Variants in KIRREL3 observed in about 807,000 individuals in gnomAD.
KIRREL3 encodes kirre like nephrin family adhesion molecule 3.
In KIRREL3, 36 loss-of-function variants were observed where a neutral mutation model predicts 89.7. The observed-to-expected ratio is 0.40, with a 90% CI of 0.31 to 0.53. The LOEUF is 0.53. Ranked by LOEUF, KIRREL3 falls within the 20% of genes least tolerant of loss-of-function variation. KIRREL3 has a pLI of 0.49. For missense variants in KIRREL3, 864 were observed against 1,056.6 expected (o/e 0.82, Z 2.53); for synonymous variants, 445 against 441.4 (o/e 1.01, Z -0.10).
At position 126,641,259 on chromosome 11, in the gene KIRREL3, A is replaced by C. The variant is rs1944457598; in HGVS notation, c.56-78347T>G. On this transcript the variant is annotated intron_variant, in intron 1 of 16. Coordinates refer to ENST00000525144, the MANE Select transcript of KIRREL3 (RefSeq NM_032531.4). This position sits in a 1 kb window ranked among gnomAD's most constrained non-coding sequence, Gnocchi z 5.0. ...ATATATTATAAACCAACCACCTCTC[A>C]CCACTTCCTCTGCTACTTTCTTGGC... Among the ~76,000 whole-genome samples the C allele has an allele frequency of 6.6e-6, 1 of 151,788 alleles. No homozygotes were observed. Among genetic ancestry groups the C allele is most frequent in the African/African-American group, 2.4e-5 (1 of 41,266 alleles).
At position 126,734,251 on chromosome 11, in the gene KIRREL3, T is replaced by C. The variant is rs1290363863; in HGVS notation, c.56-171339A>G. On this transcript the variant is annotated intron_variant, in intron 1 of 16. Coordinates refer to ENST00000525144, the MANE Select transcript of KIRREL3 (RefSeq NM_032531.4). The surrounding 1 kb of genome is among the most constrained non-coding windows in gnomAD (Gnocchi z 5.9). Reference sequence around the variant, plus strand: ...TTTCATCAGAAAAAAAGCTCTACTTTTGGGATCTATGGCAGGTTCTTGGGG... The same window carrying C: ...TTTCATCAGAAAAAAAGCTCTACTTCTGGGATCTATGGCAGGTTCTTGGGG... Among the ~76,000 whole-genome samples the C allele has an allele frequency of 6.6e-6, 1 of 152,228 alleles. No individual in the cohort carries two copies. The highest frequency in any genetic ancestry group is 1.5e-5 in the Non-Finnish European group (1 of 68,044).
chr11:126,545,316 A>G (rs1938727458), intron 2 of KIRREL3, among the ~76,000 whole-genome samples: 1 of 152,082 alleles, frequency 6.6e-6, no homozygotes, highest in Non-Finnish European at 1.5e-5. Context: ...CACCAAGGGG[A>G]GCCGTCTTTG....
Position 126,441,771 on chromosome 11 carries a change from T to C in KIRREL3, c.1253-1222A>G, listed in dbSNP as rs1955574860. On this transcript the variant is annotated intron_variant, in intron 10 of 16. Coordinates refer to ENST00000525144, the MANE Select transcript of KIRREL3 (RefSeq NM_032531.4). This position sits in a 1 kb window ranked among gnomAD's most constrained non-coding sequence, Gnocchi z 5.0. Reference sequence around the variant, plus strand: ...ACTGTAGACACTCCAGTGACTTCTGTTGAGTTTGAGAAGGCAAAAGGGCTC... The same window carrying C: ...ACTGTAGACACTCCAGTGACTTCTGCTGAGTTTGAGAAGGCAAAAGGGCTC... 6.6e-6 allele frequency among the ~76,000 whole-genome samples: 1 copy of C among 152,146 alleles called. No individual in the cohort carries two copies. The highest frequency in any genetic ancestry group is 2.4e-5 in the African/African-American group (1 of 41,438).
At position 126,780,240 on chromosome 11, in the gene KIRREL3, G is replaced by A. The variant is rs575462351; in HGVS notation, c.56-217328C>T. ...GGAAGCAACAGAAACCCCAGCTAGC[G>A]TGGGTGTGTGGACTGCAGATGTGTA... On this transcript the variant is annotated intron_variant, in intron 1 of 16. Transcript: ENST00000525144. The surrounding 1 kb of genome is among the most constrained non-coding windows in gnomAD (Gnocchi z 5.3). Among the ~76,000 whole-genome samples, 14 of 152,320 alleles carry A rather than the reference G, an allele frequency of 9.2e-5. No homozygotes were observed. The highest frequency in any genetic ancestry group is 5.8e-4 in the East Asian group (3 of 5,182).
At chr11:126,446,724 C>A (rs983501915) in intron 9 of KIRREL3, 35 bp downstream of exon 9, 17 of 1,579,164 alleles carry the variant, frequency 1.1e-5, no homozygotes, top group Non-Finnish European at 1.5e-5. Context: ...CCGCCCCCTG[C>A]CAGAGGTGCC....
rs531857789 is a variant in KIRREL3 at position 126,561,687 on chromosome 11, G to A, written c.133+1148C>T. 6.6e-6 allele frequency among the ~76,000 whole-genome samples: 1 copy of A among 152,332 alleles called. No individual in the cohort carries two copies. Among genetic ancestry groups the A allele is most frequent in the Admixed American group, 6.5e-5 (1 of 15,306 alleles). On this transcript the variant is annotated intron_variant, in intron 2 of 16. Transcript: ENST00000525144. This position sits in a 1 kb window ranked among gnomAD's most constrained non-coding sequence, Gnocchi z 4.5. ...TCCTACAAATGGGAAGTAGCTTTTT[G>A]ATGCTGTTGGCTTCAGGCAGGCAGC...
intron 1 of KIRREL3, among the ~76,000 whole-genome samples, chr11:126,821,351 A>ATATATATATATATATGTGTGTG (rs756545626): frequency 9.5e-6 from 1 of 105,232 alleles, no homozygotes; most frequent in Non-Finnish European, 1.9e-5. Context: ...ATATATATAT[A>ATATATATATATATATGTGTGTG]TGTAACTTCC....
At chr11:126,721,693 G>C (rs1195093315) in intron 1 of KIRREL3, among the ~76,000 whole-genome samples, 6 of 152,232 alleles carry the variant, frequency 3.9e-5, no homozygotes, top group African/African-American at 9.6e-5. Context: ...GATTTGCAGA[G>C]AGAAGTCAGG....
At position 126,495,581 on chromosome 11, in the gene KIRREL3, C is replaced by T. The variant is rs76590104; in HGVS notation, c.434-22115G>A. ...CCTGGCCTTCCTCCTCCGGGTCTAG[C>T]GCCACCCCAGCAGCAGATGCCTCAG... is the stretch of plus-strand genomic sequence containing the variant. On this transcript the variant is annotated intron_variant, in intron 4 of 16. Coordinates refer to ENST00000525144, the MANE Select transcript of KIRREL3 (RefSeq NM_032531.4). The surrounding 1 kb of genome is among the most constrained non-coding windows in gnomAD (Gnocchi z 6.5). Among the ~76,000 whole-genome samples the T allele has an allele frequency of 5.1e-4, 77 of 152,272 alleles. 2 individuals are homozygous for T. The East Asian group carries it at 0.013, about 25-fold the overall frequency.
At position 126,443,409 on chromosome 11, in the gene KIRREL3, C is replaced by T. The variant is rs1028438095; in HGVS notation, c.1252+1570G>A. Among the ~76,000 whole-genome samples the T allele has an allele frequency of 1.8e-4, 27 of 152,136 alleles. No homozygotes were observed. Among genetic ancestry groups the T allele is most frequent in the African/African-American group, 6.0e-4 (25 of 41,424 alleles). On this transcript the variant is annotated intron_variant, in intron 10 of 16. Coordinates refer to ENST00000525144, the MANE Select transcript of KIRREL3 (RefSeq NM_032531.4). This position sits in a 1 kb window ranked among gnomAD's most constrained non-coding sequence, Gnocchi z 7.3. ...GTGTTGCCATGGATATACGGAGGCG[C>T]GATCAGATGCTGTTATTTTTAGCCC...
chr11:126,498,765 C>A lies in KIRREL3; in HGVS notation c.433+22550G>T, dbSNP rs79436456. Among the ~76,000 whole-genome samples the A allele has an allele frequency of 0.019, 2,931 of 152,300 alleles. 96 individuals carry two copies. The highest frequency in any genetic ancestry group is 0.067 in the African/African-American group (2,776 of 41,550). On this transcript the variant is annotated intron_variant, in intron 4 of 16. Transcript: ENST00000525144. This position sits in a 1 kb window ranked among gnomAD's most constrained non-coding sequence, Gnocchi z 4.3. ...TGGGAGGAGCACCTTCCCTTCTGCACCTAAGGTTGAGTCCCCCTCCCACAG... is the reference window on the plus strand; with the variant it reads ...TGGGAGGAGCACCTTCCCTTCTGCAACTAAGGTTGAGTCCCCCTCCCACAG...
intron 4 of KIRREL3, among the ~76,000 whole-genome samples, chr11:126,487,533 C>T (rs189018489): frequency 1.3e-4 from 20 of 152,344 alleles, no homozygotes; most frequent in African/African-American, 4.8e-4. Flanking sequence ...ACCAGATCCA[C>T]TGTTTGCCAG....
At chr11:126,549,124 A>G (rs942309589) in intron 2 of KIRREL3, among the ~76,000 whole-genome samples, 6 of 152,154 alleles carry the variant, frequency 3.9e-5, no homozygotes, top group African/African-American at 1.2e-4. Flanking sequence ...GGACTATTCC[A>G]TTGCTCTATT....
At chr11:126,933,851 TG>T (rs1482235223) in intron 1 of KIRREL3, among the ~76,000 whole-genome samples, 1 of 151,752 alleles carries the variant, frequency 6.6e-6, no homozygotes, top group East Asian at 1.9e-4. Flanking sequence ...TCCATTTTAA[TG>T]GTTAAAAAAT....
Position 126,641,890 on chromosome 11 carries a change from C to T in KIRREL3, c.56-78978G>A, listed in dbSNP as rs954209984. On this transcript the variant is annotated intron_variant, in intron 1 of 16. Coordinates refer to ENST00000525144, the MANE Select transcript of KIRREL3 (RefSeq NM_032531.4). This position sits in a 1 kb window ranked among gnomAD's most constrained non-coding sequence, Gnocchi z 5.0. ...CTTGCTTACATGTGCACATCCTCAA[C>T]TTCCACTCTTTCTCAGGTCAGGAAC... Among the ~76,000 whole-genome samples, 1 of 152,210 alleles carries T rather than the reference C, an allele frequency of 6.6e-6. No homozygotes were observed. Among genetic ancestry groups the T allele is most frequent in the Admixed American group, 6.5e-5 (1 of 15,286 alleles).
rs1944958135 is a variant in KIRREL3, at chr11:126,652,817, C to T, written c.56-89905G>A. On this transcript the variant is annotated intron_variant, in intron 1 of 16. Coordinates refer to ENST00000525144, the MANE Select transcript of KIRREL3 (RefSeq NM_032531.4). This position sits in a 1 kb window ranked among gnomAD's most constrained non-coding sequence, Gnocchi z 4.9. Reference sequence around the variant, plus strand: ...GGACAGAGGCCTTTCAACTTTCCTCCCTGAGATCTTCCTCCGTGAACCAAC... The same window carrying T: ...GGACAGAGGCCTTTCAACTTTCCTCTCTGAGATCTTCCTCCGTGAACCAAC... 1 of 152,146 alleles carries T rather than the reference C, an allele frequency of 6.6e-6. No homozygotes were observed. Among genetic ancestry groups the T allele is most frequent in the African/African-American group, 2.4e-5 (1 of 41,412 alleles). 9.4% of individuals were successfully genotyped at this position (152,146 alleles called of 1,614,324 possible).
chr11:126,993,205 T>C lies in KIRREL3; in HGVS notation c.55+7250A>G, dbSNP rs1950085844. ...ACCCATAGGCTACTAGCAATGTTTC[T>C]CAGGTGTTTACTTAATTATCTCAAT... is the stretch of plus-strand genomic sequence containing the variant. On this transcript the variant is annotated intron_variant, in intron 1 of 16. Transcript: ENST00000525144. This position sits in a 1 kb window ranked among gnomAD's most constrained non-coding sequence, Gnocchi z 6.1. 6.6e-6 allele frequency among the ~76,000 whole-genome samples: 1 copy of C among 152,200 alleles called. No individual in the cohort carries two copies.
At position 126,807,190 on chromosome 11, in the gene KIRREL3, C is replaced by A. The variant is rs1331535091; in HGVS notation, c.55+193265G>T. Among the ~76,000 whole-genome samples, 1 of 152,182 alleles carries A rather than the reference C, an allele frequency of 6.6e-6. No individual in the cohort carries two copies. Reference sequence around the variant, plus strand: ...AGGGAGGTAGGCTGACTGCCCCAGGCCCCACCTCCTGCTAACATTTTATTT... The same window carrying A: ...AGGGAGGTAGGCTGACTGCCCCAGGACCCACCTCCTGCTAACATTTTATTT... On this transcript the variant is annotated intron_variant, in intron 1 of 16. Transcript: ENST00000525144. This position sits in a 1 kb window ranked among gnomAD's most constrained non-coding sequence, Gnocchi z 4.3.
At position 126,666,756 on chromosome 11, in the gene KIRREL3, T is replaced by A. The variant is rs1776539812; in HGVS notation, c.56-103844A>T. Among the ~76,000 whole-genome samples the A allele has an allele frequency of 6.6e-6, 1 of 152,202 alleles. No individual in the cohort carries two copies. The highest frequency in any genetic ancestry group is 1.5e-5 in the Non-Finnish European group (1 of 68,032). On this transcript the variant is annotated intron_variant, in intron 1 of 16. Coordinates refer to ENST00000525144, the MANE Select transcript of KIRREL3 (RefSeq NM_032531.4). This position sits in a 1 kb window ranked among gnomAD's most constrained non-coding sequence, Gnocchi z 4.2. ...TTTTATTTGTATTGACTAGGAGGTC[T>A]TTCACCAGAAGAATAAAAGACCATG...
Sources: gnomAD v4.1 joint callset for allele counts (sites outside exome capture counted in the v4.1 genomes callset) on GRCh38, gnomAD v4.1.1 for gene constraint, Gnocchi (gnomAD v3.1) non-coding constraint, MANE v1.5 for transcripts, NCBI Gene and HGNC (gene_info 2026-07-23, HGNC 2026-07-21) for gene names.